The following ANO2 variants were observed in gnomAD, a reference collection of about 807,000 sequenced individuals.
ANO2 encodes anoctamin 2, also known as anoctamin-2.
ANO2 carries 101 observed loss-of-function variants against 124.2 expected under a neutral mutation model. The ratio of observed to expected loss-of-function variants is 0.81; its 90% CI spans 0.69 to 0.96. The LOEUF (loss-of-function observed/expected upper bound fraction) is 0.96, where lower values mean the gene tolerates loss of function less well. Ranked by LOEUF, ANO2 falls within the 40% of genes least tolerant of loss-of-function variation. The pLI is 0.00. For missense variants in ANO2, 1,293 were observed against 1,274.5 expected, an observed-to-expected ratio of 1.01 and a Z score of -0.22; for synonymous variants, 486 against 482.5, an observed-to-expected ratio of 1.01 and a Z score of -0.09.
rs553699409 is a variant in ANO2 at position 5,820,786 on chromosome 12, C to T, written c.892+6983G>A. 2.0e-4 allele frequency among the ~76,000 whole-genome samples: 31 copies of T among 152,342 alleles called. 1 individual carries two copies. Among genetic ancestry groups the T allele is most frequent in the African/African-American group, 7.0e-4 (29 of 41,578 alleles). ...AAGACAGATGGATCTTGGAGAATAA[C>T]AGGGGATTACTGTAAGCTTAACCAA... On this transcript the variant is annotated intron_variant, in intron 7 of 24. Coordinates refer to ENST00000682330, the MANE Select transcript of ANO2 (RefSeq NM_001364791.2).
At chr12:5,798,153 C>T (rs77625097) in intron 10 of ANO2, among the ~76,000 whole-genome samples, 6,005 of 152,134 alleles carry the variant, frequency 0.039, 389 homozygotes, top group African/African-American at 0.13. Context: ...GATCAAAGCC[C>T]ACCAAGAATG....
At chr12:5,639,883 C>A (rs1314924469) in intron 15 of ANO2, among the ~76,000 whole-genome samples, 1 of 152,038 alleles carries the variant, frequency 6.6e-6, no homozygotes, top group Non-Finnish European at 1.5e-5. Flanking sequence ...TGATGAGAGT[C>A]CAGGCTGTGG....
chr12:5,629,426 G>A (rs1469037341), intron 16 of ANO2, among the ~76,000 whole-genome samples: 2 of 152,176 alleles, frequency 1.3e-5, no homozygotes, highest in African/African-American at 4.8e-5. Flanking sequence ...GCTCCCAGAT[G>A]TATGGCTCAA....
Position 5,647,737 on chromosome 12 carries a change from AT to A in ANO2, c.1609del (p.Ile537SerfsTer4), listed in dbSNP as rs762272823. 17 of 1,609,676 alleles carry A rather than the reference AT, an allele frequency of 1.1e-5. No homozygotes were observed. The South Asian group carries it at 1.6e-4, about 15-fold the overall frequency. Reference sequence around the variant, plus strand: ...CCTCAAGGAAATTACCATGAATAAGATGGAGGCAAAGTTCATCAGGTAACCT... The same window carrying A: ...CCTCAAGGAAATTACCATGAATAAGAGGAGGCAAAGTTCATCAGGTAACCT... ...FPGYLMNFAS[I>X]LFMIALTFSI... On this transcript the variant is annotated frameshift_variant, in exon 15 of 25. Coordinates refer to ENST00000682330, the MANE Select transcript of ANO2 (RefSeq NM_001364791.2). LOFTEE classifies it high-confidence loss of function.
chr12:5,638,359 C>T (rs1490460003), intron 15 of ANO2, among the ~76,000 whole-genome samples: 1 of 148,762 alleles, frequency 6.7e-6, no homozygotes, highest in Non-Finnish European at 1.5e-5. Context: ...CTTCAGCCTC[C>T]CAAGTAGCTG....
At chr12:5,935,112 T>A (rs1443786308) in intron 1 of ANO2, among the ~76,000 whole-genome samples, 1 of 152,198 alleles carries the variant, frequency 6.6e-6, no homozygotes, top group Non-Finnish European at 1.5e-5. Context: ...GCTCAGAAAA[T>A]GCCTCTGTTA....
At chr12:5,870,210 C>T (rs1452779721) in intron 3 of ANO2, 2 of 152,220 alleles carry the variant, frequency 1.3e-5, no homozygotes, top group African/African-American at 2.4e-5. Flanking sequence ...AGGTTCATTA[C>T]ACCCCAAGCC....
At position 5,822,365 on chromosome 12, in the gene ANO2, G is replaced by A. The variant is rs150416499; in HGVS notation, c.892+5404C>T. ...GTATCCCATGTGAGTGTTCACCAGC[G>A]GGTGACCTCAGCAGTGGAGTGGACA... On this transcript the variant is annotated intron_variant, in intron 7 of 24. Transcript: ENST00000682330. Among the ~76,000 whole-genome samples, 339 of 152,294 alleles carry A rather than the reference G, an allele frequency of 2.2e-3. 1 individual carries two copies. The highest frequency in any genetic ancestry group is 7.4e-3 in the African/African-American group (308 of 41,550).
intron 14 of ANO2, among the ~76,000 whole-genome samples, chr12:5,728,067 AG>A (rs1950511959): frequency 1.3e-5 from 2 of 152,146 alleles, no homozygotes; most frequent in African/African-American, 4.8e-5. Context: ...CGGCCTCTCA[AG>A]GTGCTGGGAT....
chr12:5,670,307 T>A (rs1280572337), intron 14 of ANO2, among the ~76,000 whole-genome samples: 1 of 152,188 alleles, frequency 6.6e-6, no homozygotes, highest in East Asian at 1.9e-4. Context: ...AAGCATCTGC[T>A]ATGTGTTAGA....
At chr12:5,807,230 C>T in intron 8 of ANO2, 83 bp downstream of exon 8, 1 of 1,226,568 alleles carries the variant, frequency 8.2e-7, no homozygotes, top group Non-Finnish European at 1.1e-6. Context: ...TGCAGGTATT[C>T]ACCCATCTCA....
chr12:5,740,496 T>C (rs568069648), intron 12 of ANO2: 4 of 154,472 alleles, frequency 2.6e-5, no homozygotes, highest in African/African-American at 7.2e-5. Flanking sequence ...GTCAGGGAGA[T>C]TGGGTGAACT....
chr12:5,830,480 G>T lies in ANO2; in HGVS notation c.795C>A (p.Ile265=). 6.2e-7 allele frequency: 1 copy of T among 1,611,960 alleles called. No homozygotes were observed. The highest frequency in any genetic ancestry group is 1.7e-5 in the Admixed American group (1 of 59,854). The stretch of plus-strand genomic sequence containing the variant: ...TATCAAAGAAGGTGTCCTTTTCCTG[G>T]ATGTTGTACCTGGAGACACCAAGAG... ...FSREKMYLYN[I]QEKDTFFDNA... Residue 265 remains isoleucine (I), a synonymous_variant, in exon 6 of 25, where the codon ATC becomes ATA. Coordinates refer to ENST00000682330, the MANE Select transcript of ANO2 (RefSeq NM_001364791.2).
rs867038310 is a variant in ANO2, at chr12:5,636,576, G to C, written c.1621-1229C>G. Among the ~76,000 whole-genome samples, 2 of 145,658 alleles carry C rather than the reference G, an allele frequency of 1.4e-5. No individual in the cohort carries two copies. Among genetic ancestry groups the C allele is most frequent in the African/African-American group, 2.5e-5 (1 of 39,838 alleles). On this transcript the variant is annotated intron_variant, in intron 15 of 24. Coordinates refer to ENST00000682330, the MANE Select transcript of ANO2 (RefSeq NM_001364791.2). The surrounding 1 kb of genome is among the most constrained non-coding windows in gnomAD (Gnocchi z 4.6). ...AGGGAGAGAAAACAGCAGGTGGAAGGCTCCCTGAAAAAATAAGCTGTGCTG... is the reference window on the plus strand; with the variant it reads ...AGGGAGAGAAAACAGCAGGTGGAAGCCTCCCTGAAAAAATAAGCTGTGCTG...
intron 12 of ANO2, among the ~76,000 whole-genome samples, chr12:5,741,546 T>G (rs866295052): frequency 6.6e-6 from 1 of 152,002 alleles, no homozygotes; most frequent in African/African-American, 2.4e-5. Flanking sequence ...GTGCCCAGAG[T>G]GCTGACCGAC....
intron 14 of ANO2, among the ~76,000 whole-genome samples, chr12:5,674,417 A>T (rs1256720966): frequency 5.0e-5 from 6 of 120,134 alleles, no homozygotes; most frequent in Non-Finnish European, 1.0e-4. Flanking sequence ...CTCCACATAA[A>T]CATGTCAACT....
chr12:5,834,604 G>A (rs1435764422), intron 4 of ANO2, among the ~76,000 whole-genome samples: 1 of 152,180 alleles, frequency 6.6e-6, no homozygotes, highest in African/African-American at 2.4e-5. Context: ...CAGGGCAAGA[G>A]CCTCCCCAGT....
At chr12:5,909,774 C>G (rs1940936287) in intron 3 of ANO2, among the ~76,000 whole-genome samples, 1 of 152,104 alleles carries the variant, frequency 6.6e-6, no homozygotes, top group Non-Finnish European at 1.5e-5. Flanking sequence ...GGTGGGCGTT[C>G]CTATTTGATC....
chr12:5,660,258 T>A (rs1036534683), intron 14 of ANO2, among the ~76,000 whole-genome samples: 9 of 151,858 alleles, frequency 5.9e-5, no homozygotes, highest in African/African-American at 2.2e-4. Context: ...TATACCATCA[T>A]ACGAACATCT....
Sources: gnomAD v4.1 joint callset for allele counts (sites outside exome capture counted in the v4.1 genomes callset) on GRCh38, gnomAD v4.1.1 for gene constraint, Gnocchi (gnomAD v3.1) non-coding constraint, MANE v1.5 for transcripts, NCBI Gene and HGNC (gene_info 2026-07-23, HGNC 2026-07-21) for gene names.